Variants in NEK10 observed in about 807,000 individuals in gnomAD.
The protein encoded by NEK10 is NIMA related kinase 10, also known as serine/threonine-protein kinase Nek10.
Under a neutral mutation model 159.8 loss-of-function variants are expected in NEK10, and 122 were observed. The ratio of observed to expected loss-of-function variants is 0.76; its 90% CI spans 0.66 to 0.89. The LOEUF (loss-of-function observed/expected upper bound fraction) is 0.89. Among genes scored for constraint, NEK10 ranks in the 40% least tolerant of loss-of-function variants. NEK10 has a pLI of 0.00. For missense variants in NEK10, 1,342 were observed against 1,323.1 expected (o/e 1.01, Z -0.22); for synonymous variants, 466 against 457.1 (o/e 1.02, Z -0.25).
chr3:27,295,720 T>TGAC, intron 14 of NEK10, 30 bp from the exon 15 acceptor site: 1 of 1,544,798 alleles, frequency 6.5e-7, no homozygotes, highest in South Asian at 1.2e-5. Context: ...ATACTATGAG[T>TGAC]GACAACACTG....
intron 23 of NEK10, among the ~76,000 whole-genome samples, chr3:27,208,541 G>A (rs1575255542): frequency 6.6e-6 from 1 of 152,280 alleles, no homozygotes; most frequent in East Asian, 1.9e-4. Flanking sequence ...GTGGTGATCA[G>A]GGAAATGAGA....
At chr3:27,316,160 G>A (rs1336681562) in intron 6 of NEK10, among the ~76,000 whole-genome samples, 2 of 152,160 alleles carry the variant, frequency 1.3e-5, no homozygotes, top group Non-Finnish European at 2.9e-5. Context: ...CAATGAAAAC[G>A]TGTGAGCAAG....
chr3:27,286,796 T>A (rs1473050215), intron 20 of NEK10, among the ~76,000 whole-genome samples: 2 of 152,026 alleles, frequency 1.3e-5, no homozygotes, highest in African/African-American at 4.8e-5. Context: ...CCAACCTTGA[T>A]TTTTTTGAAG....
chr3:27,260,706 C>T (rs900692210), intron 22 of NEK10, among the ~76,000 whole-genome samples: 2 of 152,138 alleles, frequency 1.3e-5, no homozygotes, highest in Non-Finnish European at 2.9e-5. Context: ...CTCTGCCAGG[C>T]TTTGGTATCA....
chr3:27,247,412 T>C (rs1034112182), intron 23 of NEK10, among the ~76,000 whole-genome samples: 4 of 152,220 alleles, frequency 2.6e-5, no homozygotes, highest in East Asian at 1.9e-4. Flanking sequence ...AGTCTGTTGA[T>C]ACAATGTATC....
intron 31 of NEK10, among the ~76,000 whole-genome samples, chr3:27,137,550 CATT>C (rs961773011): frequency 3.3e-5 from 5 of 152,082 alleles, no homozygotes; most frequent in African/African-American, 1.2e-4. Flanking sequence ...AATGGACATG[CATT>C]AATATAACCA....
At chr3:27,293,075 C>A (rs1451092738) in intron 16 of NEK10, among the ~76,000 whole-genome samples, 1 of 152,140 alleles carries the variant, frequency 6.6e-6, no homozygotes, top group African/African-American at 2.4e-5. Context: ...AAATGGTGAC[C>A]TTTTGGTCAG....
At chr3:27,217,535 C>A (rs1951658972) in intron 23 of NEK10, among the ~76,000 whole-genome samples, 1 of 152,136 alleles carries the variant, frequency 6.6e-6, no homozygotes, top group African/African-American at 2.4e-5. Flanking sequence ...CATCCGCCCC[C>A]ATGACCCAAT....
chr3:27,128,973 T>G (rs1942296236), intron 32 of NEK10, among the ~76,000 whole-genome samples: 1 of 152,186 alleles, frequency 6.6e-6, no homozygotes, highest in Non-Finnish European at 1.5e-5. Context: ...GTGTATATTT[T>G]TTAATAGATG....
chr3:27,177,914 G>T (rs1168840688), intron 26 of NEK10, among the ~76,000 whole-genome samples: 1 of 152,150 alleles, frequency 6.6e-6, no homozygotes, highest in Non-Finnish European at 1.5e-5. Context: ...ACAGAATTTG[G>T]CTGCTATAAT....
chr3:27,240,426 CA>C (rs776268972), intron 23 of NEK10, among the ~76,000 whole-genome samples: 1 of 149,494 alleles, frequency 6.7e-6, no homozygotes, highest in African/African-American at 2.5e-5. Context: ...GGTGATTTCA[CA>C]AAAAAGATAA....
chr3:27,339,657 T>C (rs149651629), intron 5 of NEK10, among the ~76,000 whole-genome samples: 112 of 151,982 alleles, frequency 7.4e-4, no homozygotes, highest in African/African-American at 2.6e-3. Context: ...TGTGCACCTG[T>C]AGTCCCAGCT....
chr3:27,117,720 A>G (rs181280722), intron 33 of NEK10, among the ~76,000 whole-genome samples: 77 of 152,254 alleles, frequency 5.1e-4, no homozygotes, highest in African/African-American at 1.7e-3. Context: ...GATTCTGGAT[A>G]TTACACCTTT....
chr3:27,227,332 G>A lies in NEK10; in HGVS notation c.2091-24775C>T, dbSNP rs1196404303. Among the ~76,000 whole-genome samples the A allele has an allele frequency of 2.0e-5, 3 of 152,322 alleles. 1 individual carries two copies. Among genetic ancestry groups the A allele is most frequent in the South Asian group, 4.1e-4 (2 of 4,826 alleles). On this transcript the variant is annotated intron_variant, in intron 23 of 35. Coordinates refer to ENST00000691995, the MANE Select transcript of NEK10 (RefSeq NM_001394966.1). ...GTCGGTTACAGGAACACAGGTATGG[G>A]TAAGGGGAAAGACATGGAAGCAGGA...
chr3:27,350,000 G>A (rs2047851773), intron 3 of NEK10, among the ~76,000 whole-genome samples: 1 of 152,148 alleles, frequency 6.6e-6, no homozygotes, highest in South Asian at 2.1e-4. Flanking sequence ...AGGGGAAGTA[G>A]CCTCGCTCCT....
intron 26 of NEK10, among the ~76,000 whole-genome samples, chr3:27,186,245 G>A (rs1392618150): frequency 2.0e-5 from 3 of 152,204 alleles, no homozygotes; most frequent in Admixed American, 6.5e-5. Context: ...TTTTGCCTTC[G>A]CAGAAAATTT....
chr3:27,213,003 G>C (rs577545862), intron 23 of NEK10, among the ~76,000 whole-genome samples: 4 of 89,722 alleles, frequency 4.5e-5, no homozygotes, highest in Non-Finnish European at 8.1e-5. Context: ...CATACCCCAA[G>C]TAAATGACTG....
chr3:27,156,652 G>C (rs1020219474), intron 30 of NEK10, among the ~76,000 whole-genome samples: 7 of 151,726 alleles, frequency 4.6e-5, no homozygotes, highest in Non-Finnish European at 1.0e-4. Context: ...TCAGAAAACA[G>C]TAGATATTGG....
chr3:27,331,086 A>T (rs1166087828), intron 5 of NEK10, among the ~76,000 whole-genome samples: 1 of 151,866 alleles, frequency 6.6e-6, no homozygotes, highest in Non-Finnish European at 1.5e-5. Flanking sequence ...AAAATACAAA[A>T]ATTAGCCAAT....
Sources: allele counts gnomAD v4.1 joint callset (sites outside exome capture counted in the v4.1 genomes callset), GRCh38; gene constraint gnomAD v4.1.1; transcripts MANE v1.5; gene names NCBI Gene and HGNC (gene_info 2026-07-23, HGNC 2026-07-21).